DCLK1: variants seen among roughly 807,000 people sequenced by gnomAD.
DCLK1 encodes doublecortin like kinase 1.
In DCLK1, 16 loss-of-function variants were observed where a neutral mutation model predicts 86.2. The observed-to-expected ratio is 0.19, with a 90% CI of 0.13 to 0.28. DCLK1 has a LOEUF of 0.28. Ranked by LOEUF, DCLK1 falls within the 10% of genes least tolerant of loss-of-function variation. The pLI, the probability that DCLK1 is intolerant of heterozygous loss-of-function variation, is 1.00. For missense variants in DCLK1, 590 were observed against 940.2 expected, an observed-to-expected ratio of 0.63 and a Z score of 4.87; for synonymous variants, 369 against 370.5, an observed-to-expected ratio of 1.00 and a Z score of 0.05.
At chr13:35,950,257 G>A (rs974278867) in intron 3 of DCLK1, among the ~76,000 whole-genome samples, 9 of 152,198 alleles carry the variant, frequency 5.9e-5, no homozygotes, top group African/African-American at 2.2e-4. Context: ...AGGATAATCT[G>A]TGCACTTCAA....
intron 15 of DCLK1, among the ~76,000 whole-genome samples, chr13:35,801,981 A>T (rs979028527): frequency 6.6e-6 from 1 of 152,054 alleles, no homozygotes; most frequent in Admixed American, 6.6e-5. Flanking sequence ...TCTTCTTCCC[A>T]GTCTTCTCCA....
Position 36,061,281 on chromosome 13 carries a change from A to C in DCLK1, c.723+50588T>G, listed in dbSNP as rs115747883. ...TCTCATCTATGGCCAATTTCGAGTT[A>C]CAGCCTTGAAGTAAGCCCCAGCACA... On this transcript the variant is annotated intron_variant, in intron 3 of 16. Coordinates refer to ENST00000360631, the MANE Select transcript of DCLK1 (RefSeq NM_001330071.2). Among the ~76,000 whole-genome samples, 900 of 152,334 alleles carry C rather than the reference A, an allele frequency of 5.9e-3. 10 individuals carry two copies. Among genetic ancestry groups the C allele is most frequent in the African/African-American group, 0.02 (851 of 41,572 alleles).
chr13:36,126,990 G>A (rs895809362), intron 1 of DCLK1, among the ~76,000 whole-genome samples: 2 of 152,204 alleles, frequency 1.3e-5, no homozygotes, highest in Admixed American at 6.5e-5. Context: ...TCCTTGCAGG[G>A]CAGAGGGCTA....
At chr13:36,048,457 C>T (rs979719218) in intron 3 of DCLK1, among the ~76,000 whole-genome samples, 2 of 152,074 alleles carry the variant, frequency 1.3e-5, no homozygotes, top group African/African-American at 4.8e-5. Context: ...ATGCAGATTA[C>T]ATTTAAACTT....
At position 35,884,722 on chromosome 13, in the gene DCLK1, T is replaced by G. The variant is rs560000726; in HGVS notation, c.824-13382A>C. Among the ~76,000 whole-genome samples the G allele has an allele frequency of 7.2e-5, 11 of 152,228 alleles. No individual in the cohort carries two copies. The East Asian group carries it at 1.7e-3, about 24-fold the overall frequency. ...TACTCTAGCACATGCCCCAGTGGGT[T>G]GAGGTCAAGTGGTCTGGAGGCGGCT... is the stretch of plus-strand genomic sequence containing the variant. On this transcript the variant is annotated intron_variant, in intron 4 of 16. Coordinates refer to ENST00000360631, the MANE Select transcript of DCLK1 (RefSeq NM_001330071.2).
intron 11 of DCLK1, among the ~76,000 whole-genome samples, chr13:35,818,114 T>G (rs2087310992): frequency 2.6e-5 from 4 of 152,160 alleles, no homozygotes; most frequent in Admixed American, 2.6e-4. Context: ...GCTCCCTTCC[T>G]TTGGGTAACC....
intron 4 of DCLK1, among the ~76,000 whole-genome samples, chr13:35,926,660 A>G (rs1003303249): frequency 5.3e-5 from 8 of 152,244 alleles, no homozygotes. Context: ...CTTAGAACTG[A>G]AAAATAATAT....
intron 3 of DCLK1, among the ~76,000 whole-genome samples, chr13:35,970,379 T>G (rs1753991656): frequency 1.3e-5 from 2 of 152,214 alleles, no homozygotes; most frequent in Non-Finnish European, 2.9e-5. Flanking sequence ...CTTCTGATAT[T>G]TTGCCAAAAG....
intron 3 of DCLK1, among the ~76,000 whole-genome samples, chr13:35,980,799 A>C (rs950153363): frequency 2.0e-5 from 3 of 152,086 alleles, no homozygotes; most frequent in Non-Finnish European, 4.4e-5. Context: ...CTTGCTGTGC[A>C]GCCCAGTACT....
At chr13:35,879,305 C>T (rs1411326467) in intron 4 of DCLK1, among the ~76,000 whole-genome samples, 2 of 152,140 alleles carry the variant, frequency 1.3e-5, no homozygotes, top group Admixed American at 6.6e-5. Context: ...CTCCAGATGG[C>T]GCCCACGTGT....
At position 35,839,873 on chromosome 13, in the gene DCLK1, C is replaced by T. The variant is rs376094214; in HGVS notation, c.1036-697G>A. The stretch of plus-strand genomic sequence containing the variant: ...AGAGAGCTCAGAGGAAAAAACAGTA[C>T]CAAATATTTAATATTATGATTGGCT... On this transcript the variant is annotated intron_variant, in intron 6 of 16. Coordinates refer to ENST00000360631, the MANE Select transcript of DCLK1 (RefSeq NM_001330071.2). 3.3e-5 allele frequency among the ~76,000 whole-genome samples: 5 copies of T among 152,152 alleles called. No individual in the cohort carries two copies. In the East Asian group the frequency reaches 5.8e-4, roughly 18 times the overall value.
rs563228559 is a variant in DCLK1, at chr13:35,797,232, T to C, written c.1945-3753A>G. Among the ~76,000 whole-genome samples, 121 of 152,302 alleles carry C rather than the reference T, an allele frequency of 7.9e-4. 1 individual carries two copies. The highest frequency in any genetic ancestry group is 2.8e-3 in the African/African-American group (117 of 41,568). On this transcript the variant is annotated intron_variant, in intron 15 of 16. Coordinates refer to ENST00000360631, the MANE Select transcript of DCLK1 (RefSeq NM_001330071.2). ...GGGTTTTCGTAAGAGCAGCCCCTAA[T>C]TAACTTACTGAGAAAGATTCAGCTC...
At chr13:35,924,593 T>C (rs565837326) in intron 4 of DCLK1, among the ~76,000 whole-genome samples, 39 of 152,270 alleles carry the variant, frequency 2.6e-4, no homozygotes, top group African/African-American at 8.2e-4. Context: ...AAGGTTGTAG[T>C]GAGCCGAGAT....
At chr13:35,905,480 G>T (rs1001589325) in intron 4 of DCLK1, among the ~76,000 whole-genome samples, 4 of 152,168 alleles carry the variant, frequency 2.6e-5, no homozygotes, top group African/African-American at 4.8e-5. Context: ...CTTCCACAAG[G>T]TCAAAGCCCA....
chr13:35,826,564 A>AGGGAGGGAGGGAGGGAGGGAGGG (rs1301930448), intron 10 of DCLK1, among the ~76,000 whole-genome samples: 3 of 46,036 alleles, frequency 6.5e-5, no homozygotes, highest in Non-Finnish European at 1.7e-4. Context: ...AGAAAGAAAC[A>AGGGAGGGAGGGAGGGAGGGAGGG]AGTCCTAATT....
rs189026949 is a variant in DCLK1, at chr13:36,045,708, C to A, written c.723+66161G>T. ...ATCCACTAAAAACACAAAGATTAGC[C>A]AGGTGTGGTGGTGAACGCCTGTAGT... On this transcript the variant is annotated intron_variant, in intron 3 of 16. Transcript: ENST00000360631. Among the ~76,000 whole-genome samples, 25 of 151,894 alleles carry A rather than the reference C, an allele frequency of 1.6e-4. No individual in the cohort carries two copies. In the East Asian group the frequency reaches 4.5e-3, roughly 27 times the overall value.
chr13:36,068,665 G>A (rs1490559937), intron 3 of DCLK1, among the ~76,000 whole-genome samples: 2 of 151,780 alleles, frequency 1.3e-5, no homozygotes, highest in Non-Finnish European at 2.9e-5. Context: ...TACTTCTCAT[G>A]ACCTAAGAAA....
chr13:36,100,510 C>G (rs562439778), intron 3 of DCLK1, among the ~76,000 whole-genome samples: 2 of 152,206 alleles, frequency 1.3e-5, no homozygotes, highest in Non-Finnish European at 2.9e-5. Context: ...CCCAGGGGCA[C>G]TGTATCAACC....
At chr13:36,057,230 C>A in intron 3 of DCLK1, among the ~76,000 whole-genome samples, 1 of 152,080 alleles carries the variant, frequency 6.6e-6, no homozygotes, top group Non-Finnish European at 1.5e-5. Flanking sequence ...CTTTTAGTAA[C>A]AAATCAGAAC....
Sources: allele counts gnomAD v4.1 joint callset (sites outside exome capture counted in the v4.1 genomes callset), GRCh38; gene constraint gnomAD v4.1.1; transcripts MANE v1.5; gene names NCBI Gene and HGNC (gene_info 2026-07-23, HGNC 2026-07-21).